The following KCNJ3 variants were observed in gnomAD, a reference collection of about 807,000 sequenced individuals.
KCNJ3 encodes the protein G protein-activated inward rectifier potassium channel 1.
KCNJ3 carries 4 observed loss-of-function variants against 39.2 expected under a neutral mutation model. The ratio of observed to expected loss-of-function variants is 0.10; its 90% CI spans 0.05 to 0.23. The LOEUF (loss-of-function observed/expected upper bound fraction) is 0.23. Among genes scored for constraint, KCNJ3 ranks in the 10% least tolerant of loss-of-function variants. The pLI is 1.00. For missense variants in KCNJ3, 276 were observed against 634.9 expected (o/e 0.43, Z 6.08); for synonymous variants, 230 against 237.4 (o/e 0.97, Z 0.29).
chr2:154,768,150 G>T (rs1429346791), intron 2 of KCNJ3, among the ~76,000 whole-genome samples: 1 of 152,198 alleles, frequency 6.6e-6, no homozygotes, highest in African/African-American at 2.4e-5. Flanking sequence ...TGTTCACTCT[G>T]CTGGTGGTTT....
rs574825203 is a variant in KCNJ3 at position 154,771,690 on chromosome 2, A to G, written c.919+61871A>G. Among the ~76,000 whole-genome samples, 33 of 152,284 alleles carry G rather than the reference A, an allele frequency of 2.2e-4. No individual in the cohort carries two copies. The South Asian group carries it at 6.6e-3, about 31-fold the overall frequency. On this transcript the variant is annotated intron_variant, in intron 2 of 2. Transcript: ENST00000295101. ...GGTATTGACTGTGTCCAACATGGCT[A>G]GAATGTTTTAAGAATCCAGTAGAAA...
intron 2 of KCNJ3, among the ~76,000 whole-genome samples, chr2:154,787,360 C>T (rs1395525723): frequency 3.3e-5 from 5 of 151,488 alleles, no homozygotes; most frequent in East Asian, 1.9e-4. Flanking sequence ...ATACTCTTTT[C>T]GAACAAAACC....
chr2:154,818,918 CTTTTTTTTTTTT>C (rs57668487), intron 2 of KCNJ3, among the ~76,000 whole-genome samples: 58 of 52,438 alleles, frequency 1.1e-3, no homozygotes, highest in African/African-American at 2.4e-3. Flanking sequence ...CTGCAAAAGC[CTTTTTTTTTTTT>C]TTTTTTTTTT....
chr2:154,720,077 T>G (rs1158512186), intron 2 of KCNJ3, among the ~76,000 whole-genome samples: 1 of 152,056 alleles, frequency 6.6e-6, no homozygotes, highest in Non-Finnish European at 1.5e-5. Flanking sequence ...ACATGTTCAA[T>G]GAGATAAAAT....
chr2:154,717,727 A>G (rs114955374), intron 2 of KCNJ3, among the ~76,000 whole-genome samples: 3,866 of 152,270 alleles, frequency 0.025, 144 homozygotes, highest in African/African-American at 0.088. Context: ...GGAATTTTCT[A>G]ATGAATATAT....
chr2:154,836,082 C>G, intron 2 of KCNJ3, among the ~76,000 whole-genome samples: 1 of 151,954 alleles, frequency 6.6e-6, no homozygotes, highest in Admixed American at 6.6e-5. Flanking sequence ...TGGTGGCATG[C>G]GCCTGTAGTC....
At chr2:154,815,109 A>G (rs1687060486) in intron 2 of KCNJ3, among the ~76,000 whole-genome samples, 1 of 152,208 alleles carries the variant, frequency 6.6e-6, no homozygotes, top group Non-Finnish European at 1.5e-5. Flanking sequence ...CAACAGTTGA[A>G]TTGCCTAATT....
At chr2:154,811,178 T>C (rs1687002838) in intron 2 of KCNJ3, among the ~76,000 whole-genome samples, 2 of 152,140 alleles carry the variant, frequency 1.3e-5, no homozygotes, top group African/African-American at 4.8e-5. Flanking sequence ...AGTAGGGGTG[T>C]GGCTTGGGGT....
chr2:154,788,611 T>A (rs563547709), intron 2 of KCNJ3, among the ~76,000 whole-genome samples: 1 of 152,214 alleles, frequency 6.6e-6, no homozygotes, highest in Non-Finnish European at 1.5e-5. Flanking sequence ...ATGGGAAAAT[T>A]TGAGATAGCC....
chr2:154,758,538 G>T (rs1685982210), intron 2 of KCNJ3, among the ~76,000 whole-genome samples: 1 of 152,070 alleles, frequency 6.6e-6, no homozygotes, highest in Admixed American at 6.6e-5. Flanking sequence ...ATACTATATT[G>T]TTTAGAAAAC....
At chr2:154,833,167 G>A (rs1052318407) in intron 2 of KCNJ3, among the ~76,000 whole-genome samples, 3 of 152,034 alleles carry the variant, frequency 2.0e-5, no homozygotes, top group South Asian at 2.1e-4. Flanking sequence ...TATGCATCAC[G>A]GTATGTAGGT....
chr2:154,775,712 A>G (rs1686320902), intron 2 of KCNJ3, among the ~76,000 whole-genome samples: 1 of 152,204 alleles, frequency 6.6e-6, no homozygotes, highest in Non-Finnish European at 1.5e-5. Context: ...GAAATTCAGT[A>G]TATGTCCTTT....
intron 2 of KCNJ3, among the ~76,000 whole-genome samples, chr2:154,850,008 CTTT>C (rs373062062): frequency 1.6e-4 from 8 of 48,858 alleles, no homozygotes; most frequent in African/African-American, 1.6e-4. Context: ...CAGAATAAAT[CTTT>C]TTTTTTTTTT....
intron 2 of KCNJ3, among the ~76,000 whole-genome samples, chr2:154,813,691 A>C (rs2652452): frequency 0.46 from 70,061 of 152,010 alleles, 17,200 homozygotes; most frequent in Non-Finnish European, 0.56. Context: ...GATACTATCC[A>C]GTCAGCTGAA....
chr2:154,823,846 G>A (rs901022812), intron 2 of KCNJ3, among the ~76,000 whole-genome samples: 11 of 151,992 alleles, frequency 7.2e-5, no homozygotes, highest in African/African-American at 2.4e-4. Context: ...GGGGGTTTGT[G>A]TCATTTATTC....
chr2:154,725,191 C>T (rs1685332468), intron 2 of KCNJ3, among the ~76,000 whole-genome samples: 1 of 150,852 alleles, frequency 6.6e-6, no homozygotes, highest in Admixed American at 6.6e-5. Context: ...GATCACATTC[C>T]CACCTTGTCA....
At chr2:154,724,729 C>T (rs1269630804) in intron 2 of KCNJ3, among the ~76,000 whole-genome samples, 1 of 151,462 alleles carries the variant, frequency 6.6e-6, no homozygotes, top group Non-Finnish European at 1.5e-5. Context: ...TTTTAACTGT[C>T]TGAGAGAATA....
chr2:154,724,547 T>C (rs1332616672), intron 2 of KCNJ3, among the ~76,000 whole-genome samples: 2 of 151,970 alleles, frequency 1.3e-5, no homozygotes, highest in East Asian at 3.9e-4. Flanking sequence ...GCTCATGCAG[T>C]GAGCAAGCAA....
At chr2:154,792,504 G>T (rs980083975) in intron 2 of KCNJ3, among the ~76,000 whole-genome samples, 4 of 152,078 alleles carry the variant, frequency 2.6e-5, no homozygotes, top group Non-Finnish European at 4.4e-5. Context: ...AAGCTAATCT[G>T]TTAGTTTATA....
Sources: gnomAD v4.1 joint callset for allele counts (sites outside exome capture counted in the v4.1 genomes callset) on GRCh38, gnomAD v4.1.1 for gene constraint, MANE v1.5 for transcripts, NCBI Gene and HGNC (gene_info 2026-07-23, HGNC 2026-07-21) for gene names.